Variants in DCX observed in about 807,000 individuals in gnomAD.
DCX encodes doublecortin.
DCX carries 4 observed loss-of-function variants against 20.9 expected under a neutral mutation model. The ratio of observed to expected loss-of-function variants is 0.19; its 90% CI spans 0.09 to 0.44. The LOEUF is 0.44. Among genes scored for constraint, DCX ranks in the 20% least tolerant of loss-of-function variants. The pLI, the probability that DCX is intolerant of heterozygous loss-of-function variation, is 0.99. For synonymous variants in DCX, 103 were observed against 111.4 expected, an observed-to-expected ratio of 0.92 and a Z score of 0.47; for missense variants, 133 against 296.9, an observed-to-expected ratio of 0.45 and a Z score of 4.06.
chrX:111,404,785 A>G (rs1736849020), intron 2 of DCX, among the ~76,000 whole-genome samples: 1 of 112,602 alleles, frequency 8.9e-6, no homozygotes, highest in African/African-American at 3.2e-5. Flanking sequence ...GAAAGACATC[A>G]AATGCTCTTC....
intron 3 of DCX, among the ~76,000 whole-genome samples, chrX:111,372,216 T>A: frequency 8.9e-6 from 1 of 112,025 alleles, no homozygotes; most frequent in Non-Finnish European, 1.9e-5. Context: ...AACATCTCTG[T>A]GGAATAAAGA....
At chrX:111,367,790 A>G (rs1486160193) in intron 3 of DCX, among the ~76,000 whole-genome samples, 1 of 111,181 alleles carries the variant, frequency 9.0e-6, no homozygotes, top group Non-Finnish European at 1.9e-5. Context: ...GGCCATGGTC[A>G]TAGCCAGGGG....
At chrX:111,390,034 C>T (rs1478494066) in intron 3 of DCX, among the ~76,000 whole-genome samples, 2 of 111,691 alleles carry the variant, frequency 1.8e-5, no homozygotes, top group South Asian at 3.8e-4. Flanking sequence ...CCAGTTGGGA[C>T]CAATTTAATC....
rs757705937 is a variant in DCX at position 111,301,705 on chromosome X, C to T, written c.1083G>A (p.Ser361=). 1.4e-5 allele frequency: 17 copies of T among 1,209,345 alleles called. No homozygotes were observed. The highest frequency in any genetic ancestry group is 2.3e-4 in the Middle Eastern group (1 of 4,370). Residue 361 remains serine, a synonymous_variant, in exon 7 of 7, where the codon TCG becomes TCA. Transcript: ENST00000636035. ...YLPLSLDDSD[S]LGDSM Reference sequence around the variant, plus strand: ...CCCTCCTTTACATGGAATCACCAAGCGAGTCCGAGTCATCCAAGGACAGAG... The same window carrying T: ...CCCTCCTTTACATGGAATCACCAAGTGAGTCCGAGTCATCCAAGGACAGAG...
chrX:111,337,178 T>C (rs1269262260), intron 3 of DCX, among the ~76,000 whole-genome samples: 1 of 111,831 alleles, frequency 8.9e-6, no homozygotes, highest in Non-Finnish European at 1.9e-5. Flanking sequence ...ATAATAATCA[T>C]CATAATATCA....
intron 1 of DCX, 109 bp from the exon 2 acceptor site, chrX:111,410,529 C>G (rs1303744998): frequency 1.9e-5 from 20 of 1,063,040 alleles, no homozygotes; most frequent in Non-Finnish European, 2.2e-5. Flanking sequence ...GATCTGCAAT[C>G]TGCTGCTTGT....
At chrX:111,402,777 TGCGTG>T (rs1246170204) in intron 2 of DCX, among the ~76,000 whole-genome samples, 25 of 102,922 alleles carry the variant, frequency 2.4e-4, no homozygotes, top group African/African-American at 6.4e-4. Flanking sequence ...TGTGTGTGTG[TGCGTG>T]GTGTGTGTGT....
At chrX:111,409,169 A>G (rs908811296) in intron 2 of DCX, among the ~76,000 whole-genome samples, 3 of 111,601 alleles carry the variant, frequency 2.7e-5, no homozygotes, top group African/African-American at 9.8e-5. Flanking sequence ...AAGCATCCTC[A>G]GTATAATTGA....
intron 3 of DCX, 25 bp from the exon 4 acceptor site, chrX:111,333,178 T>C: frequency 9.3e-7 from 1 of 1,072,842 alleles, no homozygotes; most frequent in Non-Finnish European, 1.3e-6. Flanking sequence ...GAAACACTGA[T>C]TGTATATGAT....
intron 3 of DCX, among the ~76,000 whole-genome samples, chrX:111,375,347 G>A (rs763143851): frequency 1.8e-5 from 2 of 111,231 alleles, no homozygotes; most frequent in Non-Finnish European, 3.8e-5. Flanking sequence ...ACCATTGGGA[G>A]AAATCTGGGG....
At chrX:111,368,381 T>C (rs920283029) in intron 3 of DCX, among the ~76,000 whole-genome samples, 8 of 111,958 alleles carry the variant, frequency 7.1e-5, no homozygotes, top group Non-Finnish European at 1.3e-4. Flanking sequence ...TACTTCTTTA[T>C]AGAAAGCAAC....
chrX:111,349,220 G>C lies in DCX; in HGVS notation c.706-16067C>G, dbSNP rs185923197. 1.3e-4 allele frequency among the ~76,000 whole-genome samples: 14 copies of C among 111,882 alleles called. No individual in the cohort carries two copies. The East Asian group carries it at 3.1e-3, about 25-fold the overall frequency. On this transcript the variant is annotated intron_variant, in intron 3 of 6. Transcript: ENST00000636035. ...TCTGAGGTCTCTTCTAGCTCAGACAGTCTATGAAACATTCCAGGTTGGACA... is the reference window on the plus strand; with the variant it reads ...TCTGAGGTCTCTTCTAGCTCAGACACTCTATGAAACATTCCAGGTTGGACA...
chrX:111,306,490 AAATATCCCACTTTC>A (rs2095045596), intron 6 of DCX, among the ~76,000 whole-genome samples: 1 of 111,934 alleles, frequency 8.9e-6, no homozygotes, highest in African/African-American at 3.2e-5. Flanking sequence ...GTGAAGACTT[AAATATCCCACTTTC>A]AATAATGGAT....
At chrX:111,376,397 TGAA>T (rs1267616386) in intron 3 of DCX, among the ~76,000 whole-genome samples, 1 of 111,348 alleles carries the variant, frequency 9.0e-6, no homozygotes, top group East Asian at 2.9e-4. Flanking sequence ...CAAAATTAAA[TGAA>T]GGTGAAAATA....
intron 3 of DCX, among the ~76,000 whole-genome samples, chrX:111,367,433 T>C (rs1924710228): frequency 8.9e-6 from 1 of 112,053 alleles, no homozygotes; most frequent in Non-Finnish European, 1.9e-5. Context: ...AAGACTGAGA[T>C]GAGTTCAGTC....
chrX:111,319,725 G>A (rs1238028125), intron 5 of DCX, among the ~76,000 whole-genome samples: 1 of 112,132 alleles, frequency 8.9e-6, no homozygotes, highest in Non-Finnish European at 1.9e-5. Context: ...AGACCTATAT[G>A]AGCTGACACA....
chrX:111,297,286 T>TG lies in DCX; in HGVS notation c.*4400dup, dbSNP rs950394789. 8.9e-6 allele frequency: 1 copy of TG among 112,282 alleles called. No homozygotes were observed. The highest frequency in any genetic ancestry group is 1.9e-5 in the Non-Finnish European group (1 of 53,273). 9.3% of individuals were successfully genotyped at this position (112,282 alleles called of 1,213,427 possible). A position where few individuals can be genotyped will look rare whatever the true frequency, so the allele number is the denominator to read the frequency against. On this transcript the variant is annotated 3_prime_UTR_variant, in exon 7 of 7. Transcript: ENST00000636035. The stretch of plus-strand genomic sequence containing the variant: ...TCTCTTGGCACAGACGTTTCTGAGG[T>TG]GGGGTGATCTTTGGGATCATTCCCA...
At chrX:111,397,313 T>C (rs1927398492) in intron 3 of DCX, among the ~76,000 whole-genome samples, 1 of 111,911 alleles carries the variant, frequency 8.9e-6, no homozygotes, top group African/African-American at 3.2e-5. Flanking sequence ...GTCTTGACCA[T>C]ACTTTGTTCT....
intron 3 of DCX, among the ~76,000 whole-genome samples, chrX:111,339,807 T>C (rs1200865875): frequency 8.9e-6 from 1 of 111,771 alleles, no homozygotes; most frequent in Non-Finnish European, 1.9e-5. Flanking sequence ...ATATTTTACT[T>C]CCCTTCAGCT....
Sources: gnomAD v4.1 joint callset for allele counts (sites outside exome capture counted in the v4.1 genomes callset) on GRCh38, gnomAD v4.1.1 for gene constraint, MANE v1.5 for transcripts, NCBI Gene and HGNC (gene_info 2026-07-23, HGNC 2026-07-21) for gene names.